CHST8: variants seen among roughly 807,000 people sequenced by gnomAD.
CHST8 encodes carbohydrate sulfotransferase 8, also known as GALNAC-4-ST1.
Under a neutral mutation model 15.0 loss-of-function variants are expected in CHST8, and 10 were observed. The ratio of observed to expected loss-of-function variants is 0.67; its 90% CI spans 0.41 to 1.13. The LOEUF (loss-of-function observed/expected upper bound fraction) is 1.13, where lower values mean the gene tolerates loss of function less well. CHST8 is among the 50% of genes most tolerant of loss of function. The pLI is 0.00. For missense variants in CHST8, 634 were observed against 608.2 expected (o/e 1.04, Z -0.45); for synonymous variants, 259 against 256.6 (o/e 1.01, Z -0.09).
intron 2 of CHST8, among the ~76,000 whole-genome samples, chr19:33,687,420 G>C (rs1276100626): frequency 6.6e-6 from 1 of 152,222 alleles, no homozygotes; most frequent in African/African-American, 2.4e-5. Flanking sequence ...GTGGATGACA[G>C]GAAGCAGCAG....
chr19:33,622,746 G>T (rs1452619175), intron 1 of CHST8, among the ~76,000 whole-genome samples: 1 of 152,164 alleles, frequency 6.6e-6, no homozygotes, highest in East Asian at 1.9e-4. Context: ...GTTGCGGCGG[G>T]CAGAGACTAT....
intron 3 of CHST8, among the ~76,000 whole-genome samples, chr19:33,735,048 G>T (rs1974058124): frequency 6.6e-6 from 1 of 152,356 alleles, no homozygotes; most frequent in Non-Finnish European, 1.5e-5. Context: ...TTTAAAAAAG[G>T]CTTGTGTTTG....
intron 1 of CHST8, among the ~76,000 whole-genome samples, chr19:33,629,439 C>T (rs1392146264): frequency 6.6e-6 from 1 of 152,270 alleles, no homozygotes; most frequent in African/African-American, 2.4e-5. Flanking sequence ...GTTGCACCCT[C>T]TGGGAGGGGC....
At chr19:33,629,622 G>A (rs187233023) in intron 1 of CHST8, among the ~76,000 whole-genome samples, 421 of 152,326 alleles carry the variant, frequency 2.8e-3, no homozygotes, top group Non-Finnish European at 4.9e-3. Context: ...CCCATTTCCC[G>A]TTGTGCCCAT....
chr19:33,750,473 G>T (rs1974393740), intron 3 of CHST8, among the ~76,000 whole-genome samples: 1 of 152,080 alleles, frequency 6.6e-6, no homozygotes, highest in African/African-American at 2.4e-5. Flanking sequence ...TGTGTCCTGG[G>T]CCACTCTGCC....
chr19:33,741,070 G>T (rs1384015705), intron 3 of CHST8, among the ~76,000 whole-genome samples: 2 of 152,194 alleles, frequency 1.3e-5, no homozygotes, highest in Admixed American at 1.3e-4. Context: ...AACTGTTTGT[G>T]GTGTCAGCCT....
In CHST8 at chr19:33,772,950, GC is replaced by G. The variant is rs1275793604; in HGVS notation, c.1165del (p.His389ThrfsTer24). The G allele has an allele frequency of 1.9e-6, 3 of 1,613,406 alleles. No individual in the cohort carries two copies. Among genetic ancestry groups the G allele is most frequent in the Admixed American group, 1.7e-5 (1 of 60,034 alleles). On this transcript the variant is annotated frameshift_variant, in exon 5 of 5. Transcript: ENST00000650847. LOFTEE classifies it high-confidence loss of function. Reference sequence around the variant, plus strand: ...GGAGGCGCGGACCACAGCGAGGATCGCCCACCAGTACTTCGCCCAACTCTCG... The same window carrying G: ...GGAGGCGCGGACCACAGCGAGGATCGCCACCAGTACTTCGCCCAACTCTCG... ...SQEARTTARI[A>X]HQYFAQLSAL...
chr19:33,694,869 C>T (rs1453303760), intron 3 of CHST8, among the ~76,000 whole-genome samples: 1 of 152,142 alleles, frequency 6.6e-6, no homozygotes, highest in African/African-American at 2.4e-5. Context: ...GCGTAAGCCA[C>T]CACGCCTAGC....
At chr19:33,709,088 A>C (rs1973500585) in intron 3 of CHST8, among the ~76,000 whole-genome samples, 1 of 152,176 alleles carries the variant, frequency 6.6e-6, no homozygotes, top group Admixed American at 6.5e-5. Flanking sequence ...TGGAACCTGT[A>C]ATTTGTTAGT....
At position 33,708,170 on chromosome 19, in the gene CHST8, C is replaced by T. The variant is rs373057594; in HGVS notation, c.130+18779C>T. 7.9e-5 allele frequency among the ~76,000 whole-genome samples: 12 copies of T among 152,210 alleles called. No individual in the cohort carries two copies. The South Asian group carries it at 1.7e-3, about 21-fold the overall frequency. On this transcript the variant is annotated intron_variant, in intron 3 of 4. Transcript: ENST00000650847. ...ATTATTTGACTTGCAAATAACTTATCCCATCTGTGGCTTGTCTTTTCATTT... is the reference window on the plus strand; with the variant it reads ...ATTATTTGACTTGCAAATAACTTATTCCATCTGTGGCTTGTCTTTTCATTT...
intron 3 of CHST8, among the ~76,000 whole-genome samples, chr19:33,717,790 GTTTTT>G (rs1973688929): frequency 6.6e-6 from 1 of 152,136 alleles, no homozygotes; most frequent in Non-Finnish European, 1.5e-5. Flanking sequence ...TCCACACCCT[GTTTTT>G]CAGGGTGTCA....
chr19:33,637,698 A>T (rs1972223465), intron 1 of CHST8, among the ~76,000 whole-genome samples: 1 of 141,854 alleles, frequency 7.0e-6, no homozygotes, highest in Non-Finnish European at 1.5e-5. Flanking sequence ...CACCGTGCCC[A>T]GTCGAAAGTG....
intron 3 of CHST8, among the ~76,000 whole-genome samples, chr19:33,701,591 T>C (rs1175602122): frequency 6.6e-6 from 1 of 152,188 alleles, no homozygotes; most frequent in Non-Finnish European, 1.5e-5. Flanking sequence ...TAAAAGGAAC[T>C]ACAGTAACAT....
intron 3 of CHST8, among the ~76,000 whole-genome samples, chr19:33,701,387 T>C (rs973332058): frequency 6.6e-6 from 1 of 152,168 alleles, no homozygotes; most frequent in Non-Finnish European, 1.5e-5. Context: ...ATAATGAGCA[T>C]GTAGGAAGTA....
chr19:33,636,669 G>A (rs747123623), intron 1 of CHST8, among the ~76,000 whole-genome samples: 3 of 152,226 alleles, frequency 2.0e-5, no homozygotes, highest in Admixed American at 6.5e-5. Flanking sequence ...CAGAGGCCAA[G>A]GCGGGCGGAT....
intron 2 of CHST8, among the ~76,000 whole-genome samples, chr19:33,671,037 A>G (rs1972730135): frequency 6.6e-6 from 1 of 152,058 alleles, no homozygotes; most frequent in Admixed American, 6.6e-5. Flanking sequence ...TCATCACTGT[A>G]TGTTCCATTG....
At chr19:33,693,008 CTTT>C (rs371300363) in intron 3 of CHST8, among the ~76,000 whole-genome samples, 4 of 140,886 alleles carry the variant, frequency 2.8e-5, no homozygotes, top group Non-Finnish European at 4.7e-5. Context: ...TTCTTTCTTT[CTTT>C]TTTTTTTTTT....
At chr19:33,680,367 G>C (rs532319830) in intron 2 of CHST8, among the ~76,000 whole-genome samples, 1 of 152,294 alleles carries the variant, frequency 6.6e-6, no homozygotes, top group South Asian at 2.1e-4. Context: ...TGTAATATTG[G>C]TTTGGAAAAA....
At chr19:33,755,177 A>G (rs1030109308) in intron 3 of CHST8, among the ~76,000 whole-genome samples, 3 of 152,186 alleles carry the variant, frequency 2.0e-5, no homozygotes, top group Admixed American at 1.3e-4. Context: ...AGATTTTCAC[A>G]GAAGCCTCTG....
Sources: allele counts gnomAD v4.1 joint callset (sites outside exome capture counted in the v4.1 genomes callset), GRCh38; gene constraint gnomAD v4.1.1; transcripts MANE v1.5; gene names NCBI Gene and HGNC (gene_info 2026-07-23, HGNC 2026-07-21).